Variants in PDGFRL observed in about 807,000 individuals in gnomAD.
PDGFRL encodes platelet-derived growth factor receptor-like protein.
In PDGFRL, 46 loss-of-function variants were observed where a neutral mutation model predicts 37.2. The observed-to-expected ratio is 1.24, with a 90% confidence interval of 0.98 to 1.58. The LOEUF (loss-of-function observed/expected upper bound fraction) is 1.58. PDGFRL is among the 40% of genes most tolerant of loss of function. The pLI, the probability that PDGFRL is intolerant of heterozygous loss-of-function variation, is 0.00. For synonymous variants in PDGFRL, 251 were observed against 184.3 expected, an observed-to-expected ratio of 1.36 and a Z score of -2.93; for missense variants, 692 against 467.6, an observed-to-expected ratio of 1.48 and a Z score of -4.43.
intron 1 of PDGFRL, among the ~76,000 whole-genome samples, chr8:17,587,550 C>T (rs2705092): frequency 6.6e-6 from 1 of 151,820 alleles, no homozygotes; most frequent in Non-Finnish European, 1.5e-5. Context: ...TTCTTTCTTT[C>T]TTTCTTTTTT....
chr8:17,628,922 T>C, intron 4 of PDGFRL, 142 bp downstream of exon 4: 6 of 633,420 alleles, frequency 9.5e-6, no homozygotes, highest in South Asian at 8.1e-5. Context: ...TGTTTTTTTT[T>C]CTCTTTTTTC....
chr8:17,578,798 A>G (rs1377303020), intron 1 of PDGFRL, among the ~76,000 whole-genome samples: 8 of 152,252 alleles, frequency 5.3e-5, no homozygotes, highest in Admixed American at 2.0e-4. Context: ...TAATCCATAC[A>G]AACAATAAGC....
chr8:17,578,728 T>C (rs1225839607), intron 1 of PDGFRL, among the ~76,000 whole-genome samples: 1 of 152,218 alleles, frequency 6.6e-6, no homozygotes, highest in Non-Finnish European at 1.5e-5. Context: ...CTCCTGGATC[T>C]CACCCAGCCC....
chr8:17,622,999 C>G (rs1804662728), intron 3 of PDGFRL, among the ~76,000 whole-genome samples: 1 of 152,198 alleles, frequency 6.6e-6, no homozygotes, highest in South Asian at 2.1e-4. Flanking sequence ...GTCAGAGGTT[C>G]TCTAAGGACA....
chr8:17,588,504 C>T (rs1046706387), intron 1 of PDGFRL, among the ~76,000 whole-genome samples: 1 of 98,854 alleles, frequency 1.0e-5, no homozygotes, highest in Non-Finnish European at 2.5e-5. Flanking sequence ...TAGCAAGGCC[C>T]CATCTTTAAA....
chr8:17,627,460 A>G lies in PDGFRL; in HGVS notation c.506-1027A>G, dbSNP rs529961807. On this transcript the variant is annotated intron_variant, in intron 3 of 5. Transcript: ENST00000251630. ...ACACATTTTTTTGTTGATGGAAGCT[A>G]CCGATTGCAATTTTTTTTTTTTTTG... Among the ~76,000 whole-genome samples the G allele has an allele frequency of 4.7e-5, 6 of 127,294 alleles. No homozygotes were observed. In the South Asian group the frequency reaches 1.7e-3, roughly 36 times the overall value. 83.5% of individuals were successfully genotyped at this position (127,294 alleles called of 152,430 possible). A position where few individuals can be genotyped will look rare whatever the true frequency, so the allele number is the denominator to read the frequency against.
chr8:17,624,164 C>G (rs1407491890), intron 3 of PDGFRL, among the ~76,000 whole-genome samples: 1 of 152,078 alleles, frequency 6.6e-6, no homozygotes, highest in African/African-American at 2.4e-5. Context: ...CCAAGATGGG[C>G]TGTTACAGAA....
rs532588559 is a variant in PDGFRL, at chr8:17,577,961, C to G, written c.55+654C>G. On this transcript the variant is annotated intron_variant, in intron 1 of 5. Coordinates refer to ENST00000251630, the MANE Select transcript of PDGFRL (RefSeq NM_001372073.1). ...CATTTTTTTGGTACAGCTTATGGGACCATGACCGCTGCGCGTTTTTGAATG... is the reference window on the plus strand; with the variant it reads ...CATTTTTTTGGTACAGCTTATGGGAGCATGACCGCTGCGCGTTTTTGAATG... 2.6e-5 allele frequency among the ~76,000 whole-genome samples: 4 copies of G among 151,928 alleles called. No individual in the cohort carries two copies. The East Asian group carries it at 7.8e-4, about 30-fold the overall frequency.
chr8:17,581,220 A>G (rs2517270), intron 1 of PDGFRL, among the ~76,000 whole-genome samples: 96,004 of 151,400 alleles, frequency 0.63, 30,828 homozygotes, highest in Middle Eastern at 0.77. Flanking sequence ...TGCCTGAAAC[A>G]AGGAAGCAAA....
chr8:17,585,470 A>G (rs1803796296), intron 1 of PDGFRL, among the ~76,000 whole-genome samples: 1 of 152,138 alleles, frequency 6.6e-6, no homozygotes, highest in South Asian at 2.1e-4. Context: ...TTTCCTCTCC[A>G]TAGTATCGCT....
At chr8:17,642,218 C>T (rs192929118) in intron 5 of PDGFRL, among the ~76,000 whole-genome samples, 250 of 152,270 alleles carry the variant, frequency 1.6e-3, no homozygotes, top group African/African-American at 5.7e-3. Flanking sequence ...ACTTTCAGTT[C>T]TGTAGGTAAG....
intron 2 of PDGFRL, among the ~76,000 whole-genome samples, chr8:17,607,223 C>G (rs1271021750): frequency 6.6e-6 from 1 of 152,074 alleles, no homozygotes; most frequent in South Asian, 2.1e-4. Flanking sequence ...GTCCATAGCA[C>G]TGTGGAGGGC....
chr8:17,602,178 AT>A (rs1804178819), intron 2 of PDGFRL, among the ~76,000 whole-genome samples: 3 of 152,068 alleles, frequency 2.0e-5, no homozygotes, highest in South Asian at 4.2e-4. Context: ...AGGGTATCTC[AT>A]TGTGGATTTG....
intron 5 of PDGFRL, among the ~76,000 whole-genome samples, chr8:17,634,934 A>C (rs1804939370): frequency 1.3e-5 from 2 of 151,988 alleles, no homozygotes; most frequent in African/African-American, 4.8e-5. Flanking sequence ...TTACCTATAT[A>C]ACAGACTTGC....
chr8:17,583,369 C>T (rs1803749120), intron 1 of PDGFRL, among the ~76,000 whole-genome samples: 1 of 152,160 alleles, frequency 6.6e-6, no homozygotes, highest in Non-Finnish European at 1.5e-5. Flanking sequence ...GTGGGCTTCA[C>T]CCAGCCAAGT....
chr8:17,637,051 C>G (rs1356422900), intron 5 of PDGFRL, among the ~76,000 whole-genome samples: 1 of 152,122 alleles, frequency 6.6e-6, no homozygotes, highest in Non-Finnish European at 1.5e-5. Context: ...ATGATTACAT[C>G]ATCAGCAAAC....
chr8:17,608,210 C>A (rs1804325604), intron 2 of PDGFRL, among the ~76,000 whole-genome samples: 2 of 152,202 alleles, frequency 1.3e-5, no homozygotes, highest in African/African-American at 4.8e-5. Context: ...CCACATCCTA[C>A]TGTCCAAAGC....
chr8:17,636,703 C>T (rs539664474), intron 5 of PDGFRL, among the ~76,000 whole-genome samples: 21 of 151,942 alleles, frequency 1.4e-4, no homozygotes, highest in Admixed American at 8.5e-4. Context: ...GATTGCTTTT[C>T]GCAGTATGGT....
At chr8:17,637,611 T>C (rs1804998154) in intron 5 of PDGFRL, among the ~76,000 whole-genome samples, 1 of 152,214 alleles carries the variant, frequency 6.6e-6, no homozygotes, top group Non-Finnish European at 1.5e-5. Context: ...GATTCCTTCT[T>C]TCTCTGTCTT....
Sources: allele counts gnomAD v4.1 joint callset (sites outside exome capture counted in the v4.1 genomes callset), GRCh38; gene constraint gnomAD v4.1.1; transcripts MANE v1.5; gene names NCBI Gene and HGNC (gene_info 2026-07-23, HGNC 2026-07-21).